The following SUCLG2 variants were observed in gnomAD, a reference collection of about 807,000 sequenced individuals.
SUCLG2 encodes the protein succinate--CoA ligase [GDP-forming] subunit beta, mitochondrial.
Under a neutral mutation model 47.9 loss-of-function variants are expected in SUCLG2, and 42 were observed. The ratio of observed to expected loss-of-function variants is 0.88; its 90% CI spans 0.69 to 1.14. The LOEUF is 1.14. SUCLG2 is among the 50% of genes most tolerant of loss of function. The pLI, the probability that SUCLG2 is intolerant of heterozygous loss-of-function variation, is 0.00. For missense variants in SUCLG2, 571 were observed against 525.9 expected (o/e 1.09, Z -0.84); for synonymous variants, 195 against 197.3 (o/e 0.99, Z 0.10).
At chr3:67,475,683 G>A (rs556462688) in intron 9 of SUCLG2, among the ~76,000 whole-genome samples, 1 of 151,442 alleles carries the variant, frequency 6.6e-6, no homozygotes, top group Admixed American at 6.6e-5. Flanking sequence ...TGTTCACCTC[G>A]CTTCCGCTGC....
At chr3:67,364,567 GCCCA>G (rs1701851369) in intron 10 of SUCLG2, among the ~76,000 whole-genome samples, 1 of 152,144 alleles carries the variant, frequency 6.6e-6, no homozygotes, top group Non-Finnish European at 1.5e-5. Context: ...AAGTCAGAGT[GCCCA>G]CCCACCCAGG....
intron 1 of SUCLG2, among the ~76,000 whole-genome samples, chr3:67,633,088 G>A (rs989638125): frequency 6.6e-6 from 1 of 152,182 alleles, no homozygotes; most frequent in Non-Finnish European, 1.5e-5. Context: ...GAATCCACAA[G>A]TGTAGGAGGA....
chr3:67,415,964 T>G (rs1328116951), intron 9 of SUCLG2, among the ~76,000 whole-genome samples: 1 of 152,200 alleles, frequency 6.6e-6, no homozygotes, highest in African/African-American at 2.4e-5. Context: ...GCAAGCCAAC[T>G]GCCAAGCCAT....
intron 2 of SUCLG2, among the ~76,000 whole-genome samples, chr3:67,551,937 T>A (rs1020925408): frequency 6.6e-6 from 1 of 152,044 alleles, no homozygotes; most frequent in Non-Finnish European, 1.5e-5. Context: ...TGAAACCTTA[T>A]CCACACCACC....
chr3:67,521,558 G>A (rs1706104114), intron 4 of SUCLG2, among the ~76,000 whole-genome samples: 1 of 150,626 alleles, frequency 6.6e-6, no homozygotes. Context: ...AATCCTACAT[G>A]TGGAAGCACA....
chr3:67,628,977 CAT>C (rs1291584962), intron 1 of SUCLG2, among the ~76,000 whole-genome samples: 6 of 152,208 alleles, frequency 3.9e-5, no homozygotes, highest in East Asian at 1.9e-4. Context: ...AGAACAGACA[CAT>C]GTGATGAGAA....
In SUCLG2 at chr3:67,459,598, G is replaced by A. The variant is rs77446433; in HGVS notation, c.1062+36200C>T. ...TTTACCAGGGAAGAACAGAACTATTGGAAGTACTCCATGGTAAATGAGAGA... is the reference window on the plus strand; with the variant it reads ...TTTACCAGGGAAGAACAGAACTATTAGAAGTACTCCATGGTAAATGAGAGA... On this transcript the variant is annotated intron_variant, in intron 9 of 10. Transcript: ENST00000307227. Among the ~76,000 whole-genome samples, 1,084 of 152,244 alleles carry A rather than the reference G, an allele frequency of 7.1e-3. 16 individuals are homozygous for A. The highest frequency in any genetic ancestry group is 0.025 in the African/African-American group (1,026 of 41,544).
intron 2 of SUCLG2, among the ~76,000 whole-genome samples, chr3:67,549,963 C>A (rs1706969900): frequency 6.6e-6 from 1 of 152,140 alleles, no homozygotes; most frequent in Non-Finnish European, 1.5e-5. Context: ...ATTAAATCAG[C>A]TGCCTGAGAT....
At chr3:67,400,622 A>C in intron 10 of SUCLG2, 109 bp downstream of exon 10, 1 of 1,464,834 alleles carries the variant, frequency 6.8e-7, no homozygotes, top group Non-Finnish European at 9.2e-7. Flanking sequence ...CATCTTACAC[A>C]ATCTAGTGTT....
intron 1 of SUCLG2, among the ~76,000 whole-genome samples, chr3:67,636,904 G>A (rs967992980): frequency 6.6e-6 from 1 of 152,012 alleles, no homozygotes; most frequent in Non-Finnish European, 1.5e-5. Flanking sequence ...TCCAGACCAG[G>A]GATGGCAGAG....
Position 67,654,601 on chromosome 3 carries a change from T to A in SUCLG2, c.-15A>T. 1 of 1,267,652 alleles carries A rather than the reference T, an allele frequency of 7.9e-7. No individual in the cohort carries two copies. Among genetic ancestry groups the A allele is most frequent in the South Asian group, 3.7e-5 (1 of 26,764 alleles). 78.5% of individuals were successfully genotyped at this position (1,267,652 alleles called of 1,614,324 possible). A position where few individuals can be genotyped will look rare whatever the true frequency, so the allele number is the denominator to read the frequency against. ...GGGGACGCCATCTTAAACAGGAAAC[T>A]CGGCACGGGGCAGTAGGGCGGGCGC... On this transcript the variant is annotated 5_prime_UTR_variant, in exon 1 of 11. Transcript: ENST00000307227.
At chr3:67,493,636 T>C (rs1705257461) in intron 9 of SUCLG2, among the ~76,000 whole-genome samples, 1 of 152,172 alleles carries the variant, frequency 6.6e-6, no homozygotes, top group Non-Finnish European at 1.5e-5. Flanking sequence ...TGGCTCTCTA[T>C]TATCCTTTGC....
intron 7 of SUCLG2, among the ~76,000 whole-genome samples, chr3:67,502,618 C>G (rs1705528365): frequency 6.6e-6 from 1 of 152,182 alleles, no homozygotes; most frequent in Admixed American, 6.5e-5. Flanking sequence ...CTAATATGCA[C>G]ATGCTTTTTT....
At chr3:67,590,008 A>G (rs1708117382) in intron 2 of SUCLG2, among the ~76,000 whole-genome samples, 1 of 152,072 alleles carries the variant, frequency 6.6e-6, no homozygotes, top group Non-Finnish European at 1.5e-5. Flanking sequence ...GCATTTATGA[A>G]ATTTTATATT....
chr3:67,503,018 A>G (rs781543034), intron 7 of SUCLG2, among the ~76,000 whole-genome samples: 5 of 152,234 alleles, frequency 3.3e-5, no homozygotes, highest in African/African-American at 1.2e-4. Flanking sequence ...GTAGCAACTA[A>G]GACCCTCAAG....
At chr3:67,543,562 G>A (rs2772476) in intron 2 of SUCLG2, among the ~76,000 whole-genome samples, 13,399 of 152,174 alleles carry the variant, frequency 0.088, 826 homozygotes, top group East Asian at 0.24. Context: ...CTACTCAGGA[G>A]GCTGAGGTGG....
chr3:67,586,367 A>G (rs1022353896), intron 2 of SUCLG2, among the ~76,000 whole-genome samples: 19 of 152,324 alleles, frequency 1.2e-4, no homozygotes, highest in Non-Finnish European at 1.3e-4. Context: ...CCTAGACTGC[A>G]TGGGACAAAA....
At chr3:67,513,941 T>C (rs554723436) in intron 6 of SUCLG2, 11 of 180,742 alleles carry the variant, frequency 6.1e-5, no homozygotes, top group South Asian at 1.2e-4. Flanking sequence ...ATCGCCAAGA[T>C]GCCATTCCCA....
intron 7 of SUCLG2, among the ~76,000 whole-genome samples, chr3:67,503,626 A>G (rs1705560263): frequency 1.3e-5 from 2 of 152,244 alleles, no homozygotes; most frequent in Non-Finnish European, 2.9e-5. Context: ...CACATTAATG[A>G]AACTCAATTC....
Sources: gnomAD v4.1 joint callset for allele counts (sites outside exome capture counted in the v4.1 genomes callset) on GRCh38, gnomAD v4.1.1 for gene constraint, MANE v1.5 for transcripts, NCBI Gene and HGNC (gene_info 2026-07-23, HGNC 2026-07-21) for gene names.